PCNT: variants seen among roughly 807,000 people sequenced by gnomAD.
PCNT encodes the protein pericentrin, also known as kendrin.
PCNT carries 319 observed loss-of-function variants against 380.4 expected under a neutral mutation model. The ratio of observed to expected loss-of-function variants is 0.84; its 90% CI spans 0.77 to 0.92. PCNT has a LOEUF of 0.92. Ranked by LOEUF, PCNT falls within the 40% of genes least tolerant of loss-of-function variation. The probability of loss-of-function intolerance (pLI) is 0.00; values close to 1 mark genes in which losing one functional copy is unlikely to be tolerated. For missense variants in PCNT, 4,400 were observed against 4,255.3 expected (o/e 1.03, Z -0.95); for synonymous variants, 1,845 against 1,735.2 (o/e 1.06, Z -1.57).
Position 46,395,849 on chromosome 21 carries a change from A to T in PCNT, c.4217-1416A>T, listed in dbSNP as rs375573814. Among the ~76,000 whole-genome samples the T allele has an allele frequency of 5.5e-4, 83 of 151,978 alleles. No individual in the cohort carries two copies. The East Asian group carries it at 0.014, about 25-fold the overall frequency. The stretch of plus-strand genomic sequence containing the variant: ...TAAAATGGAGACTTCAGGACTCGGC[A>T]GCAGAGACTCCATCTCAGAAATAAT... On this transcript the variant is annotated intron_variant, in intron 21 of 46. Coordinates refer to ENST00000359568, the MANE Select transcript of PCNT (RefSeq NM_006031.6).
rs368626471 is a variant in PCNT, at chr21:46,391,243, G to A, written c.4083G>A (p.Leu1361=). 6 of 1,606,574 alleles carry A rather than the reference G, an allele frequency of 3.7e-6. No individual in the cohort carries two copies. Among genetic ancestry groups the A allele is most frequent in the Non-Finnish European group, 5.1e-6 (6 of 1,177,012 alleles). The change falls in exon 21 of 47, where the codon CTG becomes CTA. Residue 1361 remains leucine, a synonymous_variant. Transcript: ENST00000359568. ...GGAAGGAGGATTCCGAGCACCGTCTGGTGCTGGAGCTGGAGAGCCTGAGAC... is the reference window on the plus strand; with the variant it reads ...GGAAGGAGGATTCCGAGCACCGTCTAGTGCTGGAGCTGGAGAGCCTGAGAC... ...LAGKEDSEHR[L]VLELESLRRQ...
intron 45 of PCNT, 47 bp downstream of exon 45, chr21:46,443,995 C>G: frequency 6.3e-7 from 1 of 1,594,962 alleles, no homozygotes; most frequent in African/African-American, 1.3e-5. Flanking sequence ...GGCTCTCCCT[C>G]CAGCCTACAT....
chr21:46,397,368 G>A lies in PCNT; in HGVS notation c.4320G>A (p.Glu1440=). The A allele has an allele frequency of 6.2e-7, 1 of 1,614,182 alleles. No homozygotes were observed. Among genetic ancestry groups the A allele is most frequent in the Non-Finnish European group, 8.5e-7 (1 of 1,180,046 alleles). Residue 1440 remains glutamate (E), a synonymous_variant, in exon 22 of 47, where the codon GAG becomes GAA. Transcript: ENST00000359568. ...SALLSQMKIL[E]SELEEQLSQH... ...TGCTCTCCCAGATGAAGATTTTGGA[G>A]TCTGAGTTAGAAGAACAGCTGTCTC...
chr21:46,355,777 G>A, intron 12 of PCNT, 151 bp downstream of exon 12: 1 of 806,600 alleles, frequency 1.2e-6, no homozygotes, highest in Non-Finnish European at 2.1e-6. Context: ...TCAACAGAGT[G>A]TGTCCTGATG....
At position 46,388,669 on chromosome 21, in the gene PCNT, C is replaced by T. The variant is rs1274355053; in HGVS notation, c.3465-73C>T. 8.8e-6 allele frequency: 14 copies of T among 1,591,948 alleles called. No individual in the cohort carries two copies. The highest frequency in any genetic ancestry group is 1.3e-5 in the African/African-American group (1 of 74,626). ...GAGGTGTGCAAACTGGTGGGCGGCC[C>T]CTCAGCAGCATCCAGGGTGGGGGTT... On this transcript the variant is annotated intron_variant, in intron 17 of 46. Coordinates refer to ENST00000359568, the MANE Select transcript of PCNT (RefSeq NM_006031.6). This position sits in a 1 kb window ranked among gnomAD's most constrained non-coding sequence, Gnocchi z 4.2.
chr21:46,324,558 T>G (rs2083294193), intron 1 of PCNT, among the ~76,000 whole-genome samples: 1 of 85,766 alleles, frequency 1.2e-5, no homozygotes, highest in Non-Finnish European at 2.5e-5. Context: ...GGGCTGCGCC[T>G]GCGTCGGGGG....
chr21:46,369,276 G>T (rs1366550722), intron 15 of PCNT, among the ~76,000 whole-genome samples: 5 of 152,202 alleles, frequency 3.3e-5, no homozygotes, highest in Non-Finnish European at 7.3e-5. Context: ...GTCTCCCTGT[G>T]TTGCCCAGGC....
At chr21:46,359,012 G>T (rs183142117) in intron 13 of PCNT, among the ~76,000 whole-genome samples, 2 of 151,416 alleles carry the variant, frequency 1.3e-5, no homozygotes, top group Admixed American at 6.6e-5. Flanking sequence ...GTTTCACCGT[G>T]TTAGCCAGGA....
At position 46,342,698 on chromosome 21, in the gene PCNT, G is replaced by A. The variant is rs968643192; in HGVS notation, c.640-3430G>A. Among the ~76,000 whole-genome samples, 4 of 151,980 alleles carry A rather than the reference G, an allele frequency of 2.6e-5. No individual in the cohort carries two copies. The South Asian group carries it at 6.2e-4, about 24-fold the overall frequency. On this transcript the variant is annotated intron_variant, in intron 3 of 46. Transcript: ENST00000359568. ...TGGGAATACAGGCATGTGCCACCAC[G>A]CCCAGCTAATTTTTGTATTTTTAGT...
chr21:46,361,869 C>T (rs1232677588), intron 13 of PCNT, among the ~76,000 whole-genome samples: 1 of 152,172 alleles, frequency 6.6e-6, no homozygotes, highest in African/African-American at 2.4e-5. Flanking sequence ...AAATCCTTCT[C>T]TGCAGATTTT....
At chr21:46,422,248 C>A in intron 32 of PCNT, 124 bp downstream of exon 32, 1 of 1,240,158 alleles carries the variant, frequency 8.1e-7, no homozygotes, top group Non-Finnish European at 1.1e-6. Flanking sequence ...TGCCTCTGAG[C>A]ACCTGCATTT....
chr21:46,408,858 G>A (rs1428886487), intron 27 of PCNT, among the ~76,000 whole-genome samples: 1 of 151,880 alleles, frequency 6.6e-6, no homozygotes, highest in African/African-American at 2.4e-5. Flanking sequence ...GAGTAGCTGG[G>A]ATTACAGGCG....
At chr21:46,358,512 C>T (rs538482605) in intron 13 of PCNT, among the ~76,000 whole-genome samples, 19 of 152,272 alleles carry the variant, frequency 1.2e-4, no homozygotes, top group African/African-American at 3.9e-4. Context: ...GTAGGTGGGC[C>T]GATGGTCATG....
intron 6 of PCNT, among the ~76,000 whole-genome samples, chr21:46,348,066 C>T (rs186434887): frequency 9.8e-5 from 15 of 152,322 alleles, no homozygotes; most frequent in Admixed American, 7.2e-4. Flanking sequence ...CCTTGGCAGA[C>T]GATGGGTGTT....
At chr21:46,440,733 G>C in intron 42 of PCNT, 122 bp from the exon 43 acceptor site, 1 of 728,854 alleles carries the variant, frequency 1.4e-6, no homozygotes, top group Non-Finnish European at 2.4e-6. Flanking sequence ...CGATGGCTCT[G>C]TGATGATTTG....
intron 34 of PCNT, 150 bp from the exon 35 acceptor site, chr21:46,428,245 C>T: frequency 1.3e-6 from 1 of 767,018 alleles, no homozygotes. Context: ...CCTGCAGGCC[C>T]CAGAGCTGAG....
In PCNT at chr21:46,355,530, A is replaced by G. The variant is rs747905097; in HGVS notation, c.1840A>G (p.Ile614Val). The G allele has an allele frequency of 1.2e-6, 2 of 1,613,764 alleles. No individual in the cohort carries two copies. The highest frequency in any genetic ancestry group is 2.7e-5 in the African/African-American group (2 of 74,932). ...GGAAGCGCTGGAGTCTCCCCTCTGC[A>G]TCCAGCACGAGGGGCATGTCTCAGA... ...QLEALESPLC[I>V]QHEGHVSDRC... Residue 614 changes from isoleucine to valine, a missense_variant, in exon 12 of 47, where the codon ATC becomes GTC. Ile to Val is a conservative substitution (Grantham distance 29, BLOSUM62 3). Coordinates refer to ENST00000359568, the MANE Select transcript of PCNT (RefSeq NM_006031.6).
At chr21:46,399,246 A>AGGTCTCCCTGTGCAGCCTGTGGTTCTT (rs2086321469) in intron 24 of PCNT, among the ~76,000 whole-genome samples, 1 of 146,118 alleles carries the variant, frequency 6.8e-6, no homozygotes, top group Admixed American at 6.8e-5. Flanking sequence ...CTCTGGGTCT[A>AGGTCTCCCTGTGCAGCCTGTGGTTCTT]GGTCTCCCTG....
At chr21:46,432,327 GCT>G in intron 38 of PCNT, 112 bp downstream of exon 38, 1 of 1,036,526 alleles carries the variant, frequency 9.6e-7, no homozygotes, top group South Asian at 1.4e-5. Context: ...GACCTGGTCT[GCT>G]CTGGTCTGTG....
Sources: allele counts gnomAD v4.1 joint callset (sites outside exome capture counted in the v4.1 genomes callset), GRCh38; gene constraint gnomAD v4.1.1; non-coding constraint Gnocchi (gnomAD v3.1); transcripts MANE v1.5; gene names NCBI Gene and HGNC (gene_info 2026-07-23, HGNC 2026-07-21).